EHD4: variants seen among roughly 807,000 people sequenced by gnomAD.
The protein encoded by EHD4 is EH domain containing 4.
A neutral mutation model predicts 51.0 loss-of-function variants in EHD4; 37 were observed. That is an observed-to-expected ratio of 0.73 (90% CI 0.56 to 0.95). EHD4 has a LOEUF of 0.95. Ranked by LOEUF, EHD4 falls within the 40% of genes least tolerant of loss-of-function variation. EHD4 has a pLI of 0.00. For missense variants in EHD4, 632 were observed against 733.1 expected (o/e 0.86, Z 1.59); for synonymous variants, 297 against 317.3 (o/e 0.94, Z 0.68).
intron 2 of EHD4, among the ~76,000 whole-genome samples, chr15:41,947,264 C>T (rs1258016753): frequency 1.3e-5 from 2 of 152,164 alleles, no homozygotes; most frequent in African/African-American, 4.8e-5. Flanking sequence ...GGAACTTGCC[C>T]CTAAGAGGCT....
intron 3 of EHD4, among the ~76,000 whole-genome samples, chr15:41,937,618 CCTT>C (rs1156313935): frequency 6.6e-6 from 1 of 152,204 alleles, no homozygotes; most frequent in African/African-American, 2.4e-5. Flanking sequence ...CCTCTCAAAT[CCTT>C]CTTGTTACCA....
intron 1 of EHD4, among the ~76,000 whole-genome samples, chr15:41,958,503 CT>C (rs768316311): frequency 3.3e-4 from 50 of 152,044 alleles, no homozygotes; most frequent in Non-Finnish European, 6.2e-4. Flanking sequence ...ATGGTGTCTT[CT>C]TTTTTTCATT....
Position 41,927,579 on chromosome 15 carries a change from T to C in EHD4, c.512-7957A>G, listed in dbSNP as rs551528345. Among the ~76,000 whole-genome samples, 7 of 152,246 alleles carry C rather than the reference T, an allele frequency of 4.6e-5. 1 individual carries two copies. The East Asian group carries it at 1.3e-3, about 29-fold the overall frequency. ...GAGGAAAAAAACATGCTAAGTGAAA[T>C]AAGCCCATCACAGAAGGACAAACAT... On this transcript the variant is annotated intron_variant, in intron 3 of 5. Coordinates refer to ENST00000220325, the MANE Select transcript of EHD4 (RefSeq NM_139265.4).
At chr15:41,958,879 G>C (rs140428260) in intron 1 of EHD4, among the ~76,000 whole-genome samples, 1 of 152,056 alleles carries the variant, frequency 6.6e-6, no homozygotes, top group East Asian at 1.9e-4. Flanking sequence ...TGGGTTAAGC[G>C]GTTTATTAAG....
chr15:41,964,161 A>G (rs917188408), intron 1 of EHD4, among the ~76,000 whole-genome samples: 23 of 151,160 alleles, frequency 1.5e-4, no homozygotes, highest in African/African-American at 5.6e-4. Flanking sequence ...AAAAAAAAAA[A>G]AAAAAAAAGG....
intron 1 of EHD4, among the ~76,000 whole-genome samples, chr15:41,971,687 G>C (rs1042070346): frequency 3.3e-5 from 5 of 152,166 alleles, no homozygotes; most frequent in Admixed American, 1.3e-4. Context: ...CACTTCCTAC[G>C]GGCGGCTAAA....
intron 3 of EHD4, 93 bp downstream of exon 3, chr15:41,942,974 C>T (rs370288123): frequency 5.2e-5 from 64 of 1,237,120 alleles, no homozygotes; most frequent in Non-Finnish European, 6.6e-5. Flanking sequence ...TCCTGGAGGA[C>T]GGATAGAATA....
chr15:41,927,048 C>T (rs1242981643), intron 3 of EHD4, among the ~76,000 whole-genome samples: 2 of 152,226 alleles, frequency 1.3e-5, no homozygotes, highest in Non-Finnish European at 2.9e-5. Context: ...CTTACACTAT[C>T]AAATCAGGTT....
At chr15:41,911,246 G>A (rs1225719524) in intron 4 of EHD4, among the ~76,000 whole-genome samples, 1 of 152,216 alleles carries the variant, frequency 6.6e-6, no homozygotes, top group African/African-American at 2.4e-5. Context: ...CCTGGCTACC[G>A]CTGAGAGGAT....
chr15:41,919,036 C>G (rs1396081906), intron 4 of EHD4, among the ~76,000 whole-genome samples, 174 bp downstream of exon 4: 1 of 152,212 alleles, frequency 6.6e-6, no homozygotes, highest in East Asian at 1.9e-4. Flanking sequence ...GAGTGCAGAG[C>G]CAGGAGCTAG....
At chr15:41,971,397 T>A (rs879347473) in intron 1 of EHD4, among the ~76,000 whole-genome samples, 38 of 152,260 alleles carry the variant, frequency 2.5e-4, no homozygotes, top group Admixed American at 1.4e-3. Flanking sequence ...AGCCTAAATA[T>A]GCTGGCTGCT....
intron 5 of EHD4, among the ~76,000 whole-genome samples, chr15:41,901,872 G>T (rs948234436): frequency 3.3e-5 from 5 of 152,186 alleles, no homozygotes; most frequent in African/African-American, 1.2e-4. Context: ...CCCCAGGAAG[G>T]TATCGAGGCA....
chr15:41,909,427 A>T (rs1831359300), intron 5 of EHD4, among the ~76,000 whole-genome samples: 1 of 152,176 alleles, frequency 6.6e-6, no homozygotes, highest in Non-Finnish European at 1.5e-5. Context: ...AACATCAACC[A>T]GCCTCCTTGG....
intron 2 of EHD4, among the ~76,000 whole-genome samples, chr15:41,946,716 A>G (rs2067817573): frequency 6.6e-6 from 1 of 152,144 alleles, no homozygotes; most frequent in African/African-American, 2.4e-5. Flanking sequence ...ACAGAGTGAG[A>G]CCCTGTCTCA....
chr15:41,938,013 A>T lies in EHD4; in HGVS notation c.511+5054T>A, dbSNP rs570100177. On this transcript the variant is annotated intron_variant, in intron 3 of 5. Transcript: ENST00000220325. ...CACTAAATTCATTTATGTTTCATAG[A>T]CACCATACACAGATGGCCTAAAGGT... Among the ~76,000 whole-genome samples the T allele has an allele frequency of 1.2e-3, 185 of 152,358 alleles. 2 individuals are homozygous for T. Among genetic ancestry groups the T allele is most frequent in the African/African-American group, 4.4e-3 (184 of 41,580 alleles).
chr15:41,957,639 C>T (rs780794923), intron 1 of EHD4, among the ~76,000 whole-genome samples: 5 of 152,224 alleles, frequency 3.3e-5, no homozygotes, highest in Non-Finnish European at 4.4e-5. Context: ...CCCCAGACTT[C>T]TGCTCTTACA....
chr15:41,931,782 T>C (rs2067700298), intron 3 of EHD4, among the ~76,000 whole-genome samples: 1 of 151,854 alleles, frequency 6.6e-6, no homozygotes. Context: ...GTTCAAGTGA[T>C]TCTCCTGCCT....
chr15:41,955,225 T>G (rs920386567), intron 1 of EHD4, among the ~76,000 whole-genome samples: 1 of 143,952 alleles, frequency 6.9e-6, no homozygotes, highest in African/African-American at 3.0e-5. Flanking sequence ...CTGAGGTGGA[T>G]GATGACATTA....
At chr15:41,929,206 C>T (rs1300939322) in intron 3 of EHD4, among the ~76,000 whole-genome samples, 1 of 152,242 alleles carries the variant, frequency 6.6e-6, no homozygotes, top group Admixed American at 6.5e-5. Flanking sequence ...CCCACTCCTC[C>T]TTCCTTTGGG....
Sources: allele counts gnomAD v4.1 joint callset (sites outside exome capture counted in the v4.1 genomes callset), GRCh38; gene constraint gnomAD v4.1.1; transcripts MANE v1.5; gene names NCBI Gene and HGNC (gene_info 2026-07-23, HGNC 2026-07-21).